Variants in PDE1A observed in about 807,000 individuals in gnomAD.
The protein encoded by PDE1A is dual specificity calcium/calmodulin-dependent 3',5'-cyclic nucleotide phosphodiesterase 1A.
Under a neutral mutation model 61.7 loss-of-function variants are expected in PDE1A, and 35 were observed. The observed-to-expected ratio is 0.57, with a 90% confidence interval of 0.43 to 0.75. The LOEUF (loss-of-function observed/expected upper bound fraction) is 0.75. PDE1A is among the 30% of genes least tolerant of loss of function. PDE1A has a pLI of 0.00. For missense variants in PDE1A, 597 were observed against 630.6 expected, an observed-to-expected ratio of 0.95 and a Z score of 0.57; for synonymous variants, 232 against 213.2, an observed-to-expected ratio of 1.09 and a Z score of -0.77.
chr2:182,434,200 A>G (rs1574648728), intron 2 of PDE1A, among the ~76,000 whole-genome samples: 2 of 152,258 alleles, frequency 1.3e-5, no homozygotes, highest in Admixed American at 1.3e-4. Flanking sequence ...TTTCTCATAT[A>G]TGTGACTGTA....
chr2:182,250,444 G>A (rs938897958), intron 2 of PDE1A, among the ~76,000 whole-genome samples: 2 of 152,158 alleles, frequency 1.3e-5, no homozygotes, highest in African/African-American at 4.8e-5. Context: ...CTTACTAAGT[G>A]CTAAATACAT....
intron 2 of PDE1A, among the ~76,000 whole-genome samples, chr2:182,442,469 A>G (rs760549779): frequency 1.3e-5 from 2 of 152,072 alleles, no homozygotes; most frequent in Non-Finnish European, 2.9e-5. Flanking sequence ...AGAACTGCAG[A>G]TTAAACAGTA....
At chr2:182,559,789 A>G in the PDE1A span, among the ~76,000 whole-genome samples, 1 of 152,226 alleles carries the variant, frequency 6.6e-6, no homozygotes, top group Non-Finnish European at 1.5e-5. Flanking sequence ...CTATATGTAC[A>G]GCCATCAGAA....
chr2:182,325,744 C>T (rs553676127), intron 1 of PDE1A, among the ~76,000 whole-genome samples: 36 of 152,044 alleles, frequency 2.4e-4, no homozygotes, highest in Non-Finnish European at 4.3e-4. Flanking sequence ...ATGGTGAAAC[C>T]CCGTCTCTAC....
the PDE1A span, among the ~76,000 whole-genome samples, chr2:182,658,608 G>C: frequency 6.6e-6 from 1 of 152,290 alleles, no homozygotes; most frequent in African/African-American, 2.4e-5. Context: ...GTGTAACTGA[G>C]AGACTAACCC....
intron 2 of PDE1A, chr2:182,241,987 G>T (rs185133615): frequency 6.8e-7 from 1 of 1,462,664 alleles, no homozygotes; most frequent in Non-Finnish European, 9.0e-7. Flanking sequence ...CTACTTTAAA[G>T]ATAATGCCAT....
intron 11 of PDE1A, among the ~76,000 whole-genome samples, chr2:182,187,188 T>C (rs1356641661): frequency 6.6e-6 from 1 of 152,220 alleles, no homozygotes; most frequent in Non-Finnish European, 1.5e-5. Context: ...TTCTGTCAAA[T>C]CAGTGAAGAG....
At chr2:182,168,400 CT>C (rs1242404122) in intron 13 of PDE1A, 4 of 979,452 alleles carry the variant, frequency 4.1e-6, no homozygotes, top group Non-Finnish European at 5.8e-6. Flanking sequence ...TAAAAAATTA[CT>C]GTCGTAAAAT....
At chr2:182,191,158 A>G (rs1226014795) in intron 10 of PDE1A, among the ~76,000 whole-genome samples, 1 of 152,056 alleles carries the variant, frequency 6.6e-6, no homozygotes, top group African/African-American at 2.4e-5. Flanking sequence ...AATTGACAAG[A>G]AAGGATTTCC....
the PDE1A span, among the ~76,000 whole-genome samples, chr2:182,676,710 T>C: frequency 1.3e-5 from 2 of 152,096 alleles, no homozygotes; most frequent in African/African-American, 4.8e-5. Flanking sequence ...AAAAAGTTAA[T>C]CCACCATGAG....
rs374435841 is a variant in PDE1A at position 182,155,891 on chromosome 2, C to CAAT, written c.1517-8742_1517-8740dup. Reference sequence around the variant, plus strand: ...GGGCAAAAAGAGAGAAACTCCGTCTCAATAATAATAATAATCCCCACAGCT... The same window carrying CAAT: ...GGGCAAAAAGAGAGAAACTCCGTCTCAATAATAATAATAATAATCCCCACAGCT... On this transcript the variant is annotated intron_variant, in intron 13 of 13. Coordinates refer to the PDE1A transcript ENST00000409365. Among the ~76,000 whole-genome samples, 1,412 of 152,106 alleles carry CAAT rather than the reference C, an allele frequency of 9.3e-3. 11 individuals are homozygous for CAAT. The highest frequency in any genetic ancestry group is 0.011 in the Non-Finnish European group (748 of 67,974).
intron 2 of PDE1A, among the ~76,000 whole-genome samples, chr2:182,472,666 C>T (rs1261222780): frequency 2.0e-5 from 3 of 151,794 alleles, no homozygotes; most frequent in Admixed American, 6.6e-5. Context: ...CAGTGTAGTA[C>T]ATCAATGTAG....
chr2:182,186,867 A>G (rs972090606), intron 11 of PDE1A, among the ~76,000 whole-genome samples: 1 of 152,214 alleles, frequency 6.6e-6, no homozygotes, highest in Non-Finnish European at 1.5e-5. Context: ...TCAGCCTTAT[A>G]TAATATACGA....
At chr2:182,324,992 A>G (rs113949997) in intron 1 of PDE1A, among the ~76,000 whole-genome samples, 1,697 of 152,284 alleles carry the variant, frequency 0.011, 27 homozygotes, top group South Asian at 0.069. Flanking sequence ...AGGGTCATGG[A>G]ACTAGTTATT....
At chr2:182,665,136 T>C in the PDE1A span, among the ~76,000 whole-genome samples, 3 of 152,230 alleles carry the variant, frequency 2.0e-5, no homozygotes, top group Non-Finnish European at 2.9e-5. Flanking sequence ...CTAGATTTTT[T>C]GTTTCACTTT....
the PDE1A span, among the ~76,000 whole-genome samples, chr2:182,538,616 T>C: frequency 6.6e-6 from 1 of 152,200 alleles, no homozygotes; most frequent in Non-Finnish European, 1.5e-5. Flanking sequence ...TATAAAATTA[T>C]GTAAATATCT....
At chr2:182,631,976 C>T in the PDE1A span, among the ~76,000 whole-genome samples, 3 of 152,302 alleles carry the variant, frequency 2.0e-5, no homozygotes, top group East Asian at 3.9e-4. Flanking sequence ...GAATCAGATA[C>T]ACTGATACTA....
At chr2:182,481,672 G>A (rs934932141) in intron 2 of PDE1A, among the ~76,000 whole-genome samples, 1 of 151,960 alleles carries the variant, frequency 6.6e-6, no homozygotes, top group African/African-American at 2.4e-5. Context: ...GACTGAGGGT[G>A]TCCTGGAATG....
the PDE1A span, among the ~76,000 whole-genome samples, chr2:182,690,616 G>A: frequency 1.3e-5 from 2 of 152,176 alleles, no homozygotes; most frequent in African/African-American, 4.8e-5. Context: ...TTGAAAACTG[G>A]CACAAGACAG....
Sources: allele counts gnomAD v4.1 joint callset (sites outside exome capture counted in the v4.1 genomes callset), GRCh38; gene constraint gnomAD v4.1.1; transcripts MANE v1.5; gene names NCBI Gene and HGNC (gene_info 2026-07-23, HGNC 2026-07-21).